Variants in PRKCA observed in about 807,000 individuals in gnomAD.
PRKCA encodes the protein protein kinase C alpha type.
PRKCA carries 27 observed loss-of-function variants against 87.0 expected under a neutral mutation model. That is an observed-to-expected ratio of 0.31 (90% CI 0.23 to 0.43). The LOEUF is 0.43. Ranked by LOEUF, PRKCA falls within the 20% of genes least tolerant of loss-of-function variation. PRKCA has a pLI of 1.00. For synonymous variants in PRKCA, 329 were observed against 311.1 expected (o/e 1.06, Z -0.61); for missense variants, 518 against 852.3 (o/e 0.61, Z 4.88).
rs566781796 is a variant in PRKCA at position 66,407,173 on chromosome 17, G to A, written c.206-89028G>A. On this transcript the variant is annotated intron_variant, in intron 2 of 16. Coordinates refer to ENST00000413366, the MANE Select transcript of PRKCA (RefSeq NM_002737.3). Reference sequence around the variant, plus strand: ...TTTTTTTTTCCCATTGGTTTTATCCGTCTTAAAAAGGTTTGGATCTGTGCC... The same window carrying A: ...TTTTTTTTTCCCATTGGTTTTATCCATCTTAAAAAGGTTTGGATCTGTGCC... 7.3e-5 allele frequency among the ~76,000 whole-genome samples: 11 copies of A among 150,724 alleles called. No homozygotes were observed. In the East Asian group the frequency reaches 9.8e-4, roughly 13 times the overall value.
intron 5 of PRKCA, among the ~76,000 whole-genome samples, chr17:66,661,529 A>C (rs1971904386): frequency 6.6e-6 from 1 of 152,214 alleles, no homozygotes; most frequent in South Asian, 2.1e-4. Context: ...GCTTATGTCC[A>C]AAAGTTGGAT....
chr17:66,446,573 G>T (rs1914048961), intron 2 of PRKCA, among the ~76,000 whole-genome samples: 1 of 152,170 alleles, frequency 6.6e-6, no homozygotes, highest in African/African-American at 2.4e-5. Flanking sequence ...CTAGATTGTG[G>T]TCAAGGGCTA....
At position 66,732,679 on chromosome 17, in the gene PRKCA, G is replaced by T; in HGVS notation, c.919-9G>T. 6.2e-7 allele frequency: 1 copy of T among 1,613,930 alleles called. No homozygotes were observed. The highest frequency in any genetic ancestry group is 8.5e-7 in the Non-Finnish European group (1 of 1,179,946). ...ACCCACGTGTTTCCCATTTGTGCTTGTTATTTAGAAAGCCAAACTTGGCCC... is the reference window on the plus strand; with the variant it reads ...ACCCACGTGTTTCCCATTTGTGCTTTTTATTTAGAAAGCCAAACTTGGCCC... On this transcript the variant is annotated splice_polypyrimidine_tract_variant and intron_variant, in intron 8 of 16. Transcript: ENST00000413366.
At chr17:66,727,286 A>C (rs1973778551) in intron 8 of PRKCA, among the ~76,000 whole-genome samples, 3 of 152,220 alleles carry the variant, frequency 2.0e-5, no homozygotes, top group Non-Finnish European at 4.4e-5. Context: ...AGTGGCGTGC[A>C]AGGGGGTTTG....
chr17:66,723,639 A>C (rs938970293), intron 8 of PRKCA, among the ~76,000 whole-genome samples: 3 of 151,954 alleles, frequency 2.0e-5, no homozygotes, highest in Non-Finnish European at 2.9e-5. Flanking sequence ...AAAAACAAAA[A>C]AAAAAAAAGG....
At chr17:66,680,223 AGTTT>A (rs918338380) in intron 5 of PRKCA, among the ~76,000 whole-genome samples, 19 of 152,194 alleles carry the variant, frequency 1.2e-4, no homozygotes, top group African/African-American at 2.6e-4. Context: ...AACAAAGAAG[AGTTT>A]GTTTGTTTGT....
At chr17:66,662,584 A>G (rs1047450279) in intron 5 of PRKCA, among the ~76,000 whole-genome samples, 1 of 152,098 alleles carries the variant, frequency 6.6e-6, no homozygotes, top group South Asian at 2.1e-4. Context: ...GTGGTAGTCT[A>G]AGGTGTTGAC....
intron 2 of PRKCA, among the ~76,000 whole-genome samples, chr17:66,486,316 T>C (rs988495747): frequency 6.6e-6 from 1 of 152,174 alleles, no homozygotes; most frequent in African/African-American, 2.4e-5. Flanking sequence ...TAGTTCTGAG[T>C]TGAATATGGG....
At chr17:66,377,580 A>G (rs1165253074) in intron 2 of PRKCA, among the ~76,000 whole-genome samples, 1 of 146,832 alleles carries the variant, frequency 6.8e-6, no homozygotes, top group Non-Finnish European at 1.5e-5. Context: ...TAATATCTAT[A>G]TTACATATAT....
At chr17:66,796,390 C>G in intron 16 of PRKCA, 1 of 971,298 alleles carries the variant, frequency 1.0e-6, no homozygotes, top group African/African-American at 1.8e-5. Context: ...TCTGGACTTG[C>G]AAGGCCAGGA....
chr17:66,612,648 TGA>T (rs1478789421), intron 3 of PRKCA, among the ~76,000 whole-genome samples: 1 of 152,006 alleles, frequency 6.6e-6, no homozygotes, highest in East Asian at 1.9e-4. Context: ...GAGAACGTTC[TGA>T]TATTTGTGAT....
chr17:66,751,538 C>A (rs934776875), intron 13 of PRKCA, among the ~76,000 whole-genome samples: 1 of 152,226 alleles, frequency 6.6e-6, no homozygotes, highest in Non-Finnish European at 1.5e-5. Flanking sequence ...AAAGCTCTTA[C>A]GACACAAGTT....
At chr17:66,303,463 G>T (rs1478548665) in intron 1 of PRKCA, among the ~76,000 whole-genome samples, 1 of 150,766 alleles carries the variant, frequency 6.6e-6, no homozygotes, top group Non-Finnish European at 1.5e-5. Flanking sequence ...CACTGCGCGC[G>T]GTCCAAGTTG....
intron 3 of PRKCA, among the ~76,000 whole-genome samples, chr17:66,535,652 G>A (rs1011952183): frequency 1.3e-5 from 2 of 152,188 alleles, no homozygotes; most frequent in Admixed American, 6.5e-5. Context: ...TTGGCAGCTG[G>A]TGTCAGTTCC....
intron 1 of PRKCA, among the ~76,000 whole-genome samples, chr17:66,305,828 T>A (rs1249049569): frequency 6.6e-6 from 1 of 152,244 alleles, no homozygotes; most frequent in Non-Finnish European, 1.5e-5. Context: ...CTTGAAATTT[T>A]AGTATTGATA....
intron 2 of PRKCA, among the ~76,000 whole-genome samples, chr17:66,418,040 A>T (rs1194479618): frequency 2.0e-5 from 3 of 152,164 alleles, no homozygotes; most frequent in Non-Finnish European, 4.4e-5. Context: ...AGTGAGGATC[A>T]CTCAGCACAC....
chr17:66,512,457 AGTGTGTGTGTGTGTGT>A (rs71160573), intron 3 of PRKCA, among the ~76,000 whole-genome samples: 1 of 144,472 alleles, frequency 6.9e-6, no homozygotes, highest in Middle Eastern at 3.5e-3. Context: ...CAACAAAAAA[AGTGTGTGTGTGTGTGT>A]GTGTGTGTGT....
intron 3 of PRKCA, among the ~76,000 whole-genome samples, chr17:66,548,679 G>A (rs1156696472): frequency 2.0e-5 from 3 of 152,100 alleles, no homozygotes; most frequent in South Asian, 2.1e-4. Context: ...ATCTGCATGG[G>A]CCCTAAATGC....
At chr17:66,353,503 G>A (rs1219315067) in intron 2 of PRKCA, among the ~76,000 whole-genome samples, 2 of 152,114 alleles carry the variant, frequency 1.3e-5, no homozygotes, top group African/African-American at 4.8e-5. Context: ...ATCACCTGAG[G>A]TGAAGAGTTC....
Sources: gnomAD v4.1 joint callset for allele counts (sites outside exome capture counted in the v4.1 genomes callset) on GRCh38, gnomAD v4.1.1 for gene constraint, MANE v1.5 for transcripts, NCBI Gene and HGNC (gene_info 2026-07-23, HGNC 2026-07-21) for gene names.